The following LUZP2 variants were observed in gnomAD, a reference collection of about 807,000 sequenced individuals.
LUZP2 encodes leucine zipper protein 2.
Under a neutral mutation model 51.6 loss-of-function variants are expected in LUZP2, and 52 were observed. That is an observed-to-expected ratio of 1.01 (90% CI 0.81 to 1.27). The LOEUF (loss-of-function observed/expected upper bound fraction) is 1.27. Ranked by LOEUF, LUZP2 falls within the 50% of genes most tolerant of loss-of-function variation. LUZP2 has a pLI of 0.00. For synonymous variants in LUZP2, 154 were observed against 137.3 expected (o/e 1.12, Z -0.85); for missense variants, 436 against 395.4 (o/e 1.10, Z -0.87).
intron 7 of LUZP2, among the ~76,000 whole-genome samples, chr11:24,970,243 CT>C (rs1855704804): frequency 6.6e-6 from 1 of 152,074 alleles, no homozygotes; most frequent in Non-Finnish European, 1.5e-5. Flanking sequence ...ACTATCAGTG[CT>C]TTTTTTCTGC....
intron 6 of LUZP2, among the ~76,000 whole-genome samples, chr11:24,906,599 C>T (rs1353085760): frequency 6.6e-6 from 1 of 152,122 alleles, no homozygotes; most frequent in Non-Finnish European, 1.5e-5. Context: ...TTTCTCATCT[C>T]CAAGTCTATT....
At chr11:24,807,180 G>T (rs1411350653) in intron 5 of LUZP2, among the ~76,000 whole-genome samples, 2 of 152,124 alleles carry the variant, frequency 1.3e-5, no homozygotes, top group Non-Finnish European at 2.9e-5. Context: ...TTAAGGCCGG[G>T]TGCAGTAGCT....
chr11:25,044,255 GTGTATATATATA>G (rs1170737491), intron 9 of LUZP2, among the ~76,000 whole-genome samples: 15 of 42,378 alleles, frequency 3.5e-4, no homozygotes, highest in East Asian at 3.0e-3. Context: ...GTGTGTGTGT[GTGTATATATATA>G]TATATATATA....
chr11:24,913,570 A>G (rs1333861245), intron 6 of LUZP2, among the ~76,000 whole-genome samples: 1 of 152,006 alleles, frequency 6.6e-6, no homozygotes, highest in Non-Finnish European at 1.5e-5. Flanking sequence ...TTTATCAGAA[A>G]CTGTCAGTTT....
intron 5 of LUZP2, among the ~76,000 whole-genome samples, chr11:24,800,112 C>T (rs1470576367): frequency 5.3e-5 from 8 of 152,116 alleles, no homozygotes; most frequent in South Asian, 2.1e-4. Flanking sequence ...GCTATCCACC[C>T]GCCCCCACCC....
chr11:24,726,637 T>C (rs918740803), intron 1 of LUZP2, among the ~76,000 whole-genome samples: 16 of 152,140 alleles, frequency 1.1e-4, no homozygotes, highest in African/African-American at 2.9e-4. Flanking sequence ...ATATACACTT[T>C]ATTAATTTTT....
intron 10 of LUZP2, among the ~76,000 whole-genome samples, chr11:25,068,174 G>T (rs531483988): frequency 6.6e-6 from 1 of 151,834 alleles, no homozygotes; most frequent in African/African-American, 2.4e-5. Flanking sequence ...TGGGGGCTGG[G>T]GTCTAGGGAA....
chr11:24,745,088 C>A (rs1859328456), intron 4 of LUZP2, among the ~76,000 whole-genome samples: 1 of 152,014 alleles, frequency 6.6e-6, no homozygotes, highest in African/African-American at 2.4e-5. Context: ...GATATAATTT[C>A]AATTTGTTTA....
chr11:24,775,885 G>C (rs981361293), intron 5 of LUZP2, among the ~76,000 whole-genome samples: 1 of 152,116 alleles, frequency 6.6e-6, no homozygotes, highest in Non-Finnish European at 1.5e-5. Flanking sequence ...TTTAGTACAA[G>C]AGAAAACTAT....
chr11:24,898,939 TACAA>T (rs943449337), intron 5 of LUZP2, among the ~76,000 whole-genome samples: 4 of 151,628 alleles, frequency 2.6e-5, no homozygotes, highest in African/African-American at 4.9e-5. Flanking sequence ...TGAGACAGAA[TACAA>T]ACAAACAAAA....
chr11:24,634,712 A>T (rs981243950), intron 1 of LUZP2, among the ~76,000 whole-genome samples: 1 of 152,028 alleles, frequency 6.6e-6, no homozygotes, highest in Non-Finnish European at 1.5e-5. Context: ...ACTCGTTTGC[A>T]TTATGAGCCT....
intron 5 of LUZP2, among the ~76,000 whole-genome samples, chr11:24,789,180 A>G (rs1849336032): frequency 1.3e-5 from 2 of 152,222 alleles, no homozygotes; most frequent in South Asian, 4.1e-4. Context: ...TTGTTCTTTC[A>G]TCATTTGGCT....
chr11:24,883,176 C>G (rs551250333), intron 5 of LUZP2, among the ~76,000 whole-genome samples: 1 of 151,786 alleles, frequency 6.6e-6, no homozygotes, highest in African/African-American at 2.4e-5. Context: ...AGTTAGCAAA[C>G]GTTTTTTTAA....
intron 7 of LUZP2, among the ~76,000 whole-genome samples, chr11:24,917,477 G>T (rs1373253214): frequency 2.6e-5 from 4 of 151,974 alleles, no homozygotes; most frequent in Middle Eastern, 3.2e-3. Flanking sequence ...GGTCTAACAT[G>T]TAAGTCTTTA....
chr11:24,610,930 G>T (rs1175627201), intron 1 of LUZP2, among the ~76,000 whole-genome samples: 8 of 152,148 alleles, frequency 5.3e-5, no homozygotes. Context: ...GGGCTAGGAA[G>T]AATAACTTTT....
chr11:24,982,832 A>C (rs1333500957), intron 8 of LUZP2, among the ~76,000 whole-genome samples: 1 of 151,820 alleles, frequency 6.6e-6, no homozygotes, highest in East Asian at 1.9e-4. Context: ...CCTAGAGTAT[A>C]TTTCCTTTCC....
chr11:25,047,778 G>T (rs965182451), intron 9 of LUZP2, among the ~76,000 whole-genome samples: 1 of 151,912 alleles, frequency 6.6e-6, no homozygotes, highest in Non-Finnish European at 1.5e-5. Context: ...TGCTGACAGG[G>T]GCTCTAGCCA....
At chr11:24,957,263 A>G (rs538242672) in intron 7 of LUZP2, among the ~76,000 whole-genome samples, 2 of 152,260 alleles carry the variant, frequency 1.3e-5, no homozygotes, top group African/African-American at 4.8e-5. Context: ...GTATATATGT[A>G]TGAGATACAA....
chr11:24,932,274 G>A (rs937532509), intron 7 of LUZP2, among the ~76,000 whole-genome samples: 1 of 152,198 alleles, frequency 6.6e-6, no homozygotes, highest in Admixed American at 6.5e-5. Flanking sequence ...ATCATCAGCT[G>A]CAGTAGTACA....
Sources: gnomAD v4.1 joint callset for allele counts (sites outside exome capture counted in the v4.1 genomes callset) on GRCh38, gnomAD v4.1.1 for gene constraint, MANE v1.5 for transcripts, NCBI Gene and HGNC (gene_info 2026-07-23, HGNC 2026-07-21) for gene names.